The following TMEM248 variants were observed in gnomAD, a reference collection of about 807,000 sequenced individuals.
The protein encoded by TMEM248 is UPF0458 protein C7orf42.
A neutral mutation model predicts 30.3 loss-of-function variants in TMEM248; 9 were observed. The ratio of observed to expected loss-of-function variants is 0.30; its 90% CI spans 0.18 to 0.52. TMEM248 has a LOEUF of 0.52. TMEM248 is among the 20% of genes least tolerant of loss of function. The pLI is 0.97. For synonymous variants in TMEM248, 184 were observed against 154.4 expected, an observed-to-expected ratio of 1.19 and a Z score of -1.42; for missense variants, 338 against 403.3, an observed-to-expected ratio of 0.84 and a Z score of 1.39.
intron 6 of TMEM248, among the ~76,000 whole-genome samples, chr7:66,955,241 C>G (rs1297887005): frequency 6.6e-6 from 1 of 152,200 alleles, no homozygotes. Context: ...CCAGCCTGGA[C>G]AACAGAGCGA....
chr7:66,948,733 C>T (rs771627228), intron 4 of TMEM248, 39 bp downstream of exon 4: 3 of 1,581,076 alleles, frequency 1.9e-6, no homozygotes, highest in South Asian at 2.2e-5. Flanking sequence ...GCGTAACAAG[C>T]TCCACTTGCC....
At chr7:66,929,425 A>ATTTT (rs1474341098) in intron 1 of TMEM248, among the ~76,000 whole-genome samples, 2 of 124,624 alleles carry the variant, frequency 1.6e-5, no homozygotes, top group Non-Finnish European at 3.5e-5. Context: ...ATGAGAGACA[A>ATTTT]ATTTTTTTTT....
intron 1 of TMEM248, among the ~76,000 whole-genome samples, chr7:66,931,791 CCTTTTTTTTTTTT>C (rs1240101054): frequency 3.1e-5 from 4 of 127,438 alleles, no homozygotes; most frequent in Non-Finnish European, 6.5e-5. Context: ...AGGCCTTCCT[CCTTTTTTTTTTTT>C]TTTTTTTTTT....
At position 66,956,981 on chromosome 7, in the gene TMEM248, C is replaced by A. The variant is rs1425685909; in HGVS notation, c.*1459C>A. 1.3e-5 allele frequency: 2 copies of A among 152,608 alleles called. No homozygotes were observed. Among genetic ancestry groups the A allele is most frequent in the Admixed American group, 6.5e-5 (1 of 15,274 alleles). The allele number at this position is 152,608 out of a possible 1,614,324, so 9.5% of individuals were successfully genotyped here. ...TCAGCCACTGCTCTCGGCCCTCTTA[C>A]ACCATTTTGTTTGATTGTCTAGTCC... On this transcript the variant is annotated 3_prime_UTR_variant, in exon 7 of 7. Transcript: ENST00000341567.
At chr7:66,954,383 A>ATTTTTTTT (rs557096964) in intron 6 of TMEM248, among the ~76,000 whole-genome samples, 1 of 125,320 alleles carries the variant, frequency 8.0e-6, no homozygotes, top group Non-Finnish European at 1.7e-5. Flanking sequence ...TGCTTTTTTA[A>ATTTTTTTT]TTTTTTTTTT....
intron 1 of TMEM248, among the ~76,000 whole-genome samples, chr7:66,933,356 A>G (rs530736769): frequency 1.7e-4 from 26 of 152,334 alleles, no homozygotes; most frequent in African/African-American, 5.8e-4. Context: ...GATAGGTACA[A>G]TACTGGGGAG....
intron 1 of TMEM248, among the ~76,000 whole-genome samples, chr7:66,929,426 A>ATGTTTTTTTTTTTTTTTTTTTTTTT (rs1791609766): frequency 1.0e-5 from 1 of 97,636 alleles, no homozygotes; most frequent in Non-Finnish European, 2.0e-5. Context: ...TGAGAGACAA[A>ATGTTTTTTTTTTTTTTTTTTTTTTT]TTTTTTTTTT....
rs907095016 is a variant in TMEM248, at chr7:66,957,172, G to A, written c.*1650G>A. 6.6e-6 allele frequency: 1 copy of A among 152,470 alleles called. No homozygotes were observed. The highest frequency in any genetic ancestry group is 1.5e-5 in the Non-Finnish European group (1 of 68,048). The allele number at this position is 152,470 out of a possible 1,614,324, so 9.4% of individuals were successfully genotyped here. A position where few individuals can be genotyped will look rare whatever the true frequency, so the allele number is the denominator to read the frequency against. On this transcript the variant is annotated 3_prime_UTR_variant, in exon 7 of 7. Transcript: ENST00000341567. ...TCCCAGGCAGTGTTATAACAGAAGG[G>A]CAATGAAAACATTGGACATGACCAT...
At chr7:66,953,719 C>A (rs1199317598) in intron 6 of TMEM248, among the ~76,000 whole-genome samples, 1 of 151,898 alleles carries the variant, frequency 6.6e-6, no homozygotes, top group African/African-American at 2.4e-5. Context: ...GTTCTCCCAC[C>A]TCAGCCTCCC....
intron 4 of TMEM248, among the ~76,000 whole-genome samples, chr7:66,950,174 C>T (rs948246700): frequency 2.7e-5 from 4 of 149,696 alleles, no homozygotes; most frequent in African/African-American, 9.9e-5. Flanking sequence ...TTCAGTGAGC[C>T]GAGGTCACAC....
intron 1 of TMEM248, among the ~76,000 whole-genome samples, chr7:66,932,809 C>A (rs1195090166): frequency 1.3e-5 from 2 of 151,064 alleles, no homozygotes; most frequent in East Asian, 4.0e-4. Flanking sequence ...AGCCACCGCG[C>A]CTGGCCGATT....
intron 1 of TMEM248, among the ~76,000 whole-genome samples, chr7:66,928,069 G>A (rs1482580897): frequency 6.6e-6 from 1 of 152,070 alleles, no homozygotes; most frequent in Non-Finnish European, 1.5e-5. Context: ...ACAAAAATTA[G>A]CTAGGCCTGC....
chr7:66,936,075 T>C (rs1055875509), intron 1 of TMEM248, among the ~76,000 whole-genome samples: 1 of 152,228 alleles, frequency 6.6e-6, no homozygotes, highest in Non-Finnish European at 1.5e-5. Flanking sequence ...TTGCTGTATC[T>C]AGGACTTCTA....
At position 66,951,150 on chromosome 7, in the gene TMEM248, T is replaced by TTG. The variant is rs148803801; in HGVS notation, c.780+30_780+31dup. On this transcript the variant is annotated intron_variant, in intron 5 of 6. Coordinates refer to ENST00000341567, the MANE Select transcript of TMEM248 (RefSeq NM_017994.5). Reference sequence around the variant, plus strand: ...TTGTTCCAGATGTAAGTGAGAAAAATTGTGTGTGTGTGTGTGCGTGCATGC... The same window carrying TTG: ...TTGTTCCAGATGTAAGTGAGAAAAATTGTGTGTGTGTGTGTGTGCGTGCATGC... The TTG allele has an allele frequency of 4.2e-4, 646 of 1,535,348 alleles. No individual in the cohort carries two copies. Among genetic ancestry groups the TTG allele is most frequent in the Middle Eastern group, 1.2e-3 (7 of 5,704 alleles).
chr7:66,932,175 C>T (rs887040330), intron 1 of TMEM248, among the ~76,000 whole-genome samples: 8 of 152,070 alleles, frequency 5.3e-5, no homozygotes, highest in Admixed American at 5.2e-4. Context: ...TGGTTTTTGC[C>T]ATTATGTATT....
intron 1 of TMEM248, among the ~76,000 whole-genome samples, 160 bp downstream of exon 1, chr7:66,921,621 A>G (rs1452890176): frequency 6.6e-6 from 1 of 152,018 alleles, no homozygotes; most frequent in Non-Finnish European, 1.5e-5. Flanking sequence ...GGGGTCGCCC[A>G]GCATCGGCCG....
At chr7:66,935,072 CAAA>C (rs1325010623) in intron 1 of TMEM248, among the ~76,000 whole-genome samples, 2 of 151,898 alleles carry the variant, frequency 1.3e-5, no homozygotes, top group East Asian at 3.9e-4. Flanking sequence ...AACAAAAAAA[CAAA>C]AATAAGTTTT....
intron 1 of TMEM248, among the ~76,000 whole-genome samples, chr7:66,924,392 C>CTTATT (rs1008470855): frequency 3.0e-4 from 45 of 152,188 alleles, no homozygotes; most frequent in African/African-American, 9.9e-4. Flanking sequence ...AGCCTTAGCC[C>CTTATT]TTATTTTATT....
chr7:66,925,029 AT>A (rs1465272056), intron 1 of TMEM248, among the ~76,000 whole-genome samples: 3 of 152,030 alleles, frequency 2.0e-5, no homozygotes, highest in African/African-American at 7.2e-5. Flanking sequence ...ATTAAAAAAA[AT>A]AATTATTACG....
Sources: gnomAD v4.1 joint callset for allele counts (sites outside exome capture counted in the v4.1 genomes callset) on GRCh38, gnomAD v4.1.1 for gene constraint, MANE v1.5 for transcripts, NCBI Gene and HGNC (gene_info 2026-07-23, HGNC 2026-07-21) for gene names.